The following NCOA1 variants were observed in gnomAD, a reference collection of about 807,000 sequenced individuals.
NCOA1 encodes Hin-2 protein.
NCOA1 carries 35 observed loss-of-function variants against 150.9 expected under a neutral mutation model. That is an observed-to-expected ratio of 0.23 (90% confidence interval 0.18 to 0.31). NCOA1 has a LOEUF of 0.31. NCOA1 is among the 10% of genes least tolerant of loss of function. NCOA1 has a pLI of 1.00. For synonymous variants in NCOA1, 590 were observed against 630.0 expected (o/e 0.94, Z 0.95); for missense variants, 1,491 against 1,749.3 (o/e 0.85, Z 2.63).
Position 24,770,133 on chromosome 2 carries a change from G to A in NCOA1, c.*1742G>A. ...CTATGAAACAGAAATAGGACACTCA[G>A]TTACAAACATTATCTCCTTTAGTTT... On this transcript the variant is annotated 3_prime_UTR_variant, in exon 23 of 23. Coordinates refer to ENST00000348332, the MANE Select transcript of NCOA1 (RefSeq NM_003743.5). 1 of 231,388 alleles carries A rather than the reference G, an allele frequency of 4.3e-6. No individual in the cohort carries two copies. The highest frequency in any genetic ancestry group is 8.6e-6 in the Non-Finnish European group (1 of 116,584). 14.3% of individuals were successfully genotyped at this position (231,388 alleles called of 1,614,324 possible).
chr2:24,567,021 C>G (rs948000879), intron 2 of NCOA1, among the ~76,000 whole-genome samples: 1 of 152,240 alleles, frequency 6.6e-6, no homozygotes, highest in Non-Finnish European at 1.5e-5. Context: ...CCTGCTGGCT[C>G]AGTGGAGCAC....
At chr2:24,699,450 G>A (rs1372155489) in intron 11 of NCOA1, among the ~76,000 whole-genome samples, 1 of 152,064 alleles carries the variant, frequency 6.6e-6, no homozygotes, top group Non-Finnish European at 1.5e-5. Context: ...TAACTAGTTT[G>A]TCATTAATAT....
chr2:24,736,635 C>T (rs1008176527), intron 17 of NCOA1, among the ~76,000 whole-genome samples: 4 of 152,104 alleles, frequency 2.6e-5, no homozygotes, highest in African/African-American at 9.7e-5. Context: ...TTAAAGAATA[C>T]TTTTGTCTTT....
intron 18 of NCOA1, 120 bp downstream of exon 18, chr2:24,739,653 G>T: frequency 1.6e-6 from 1 of 639,100 alleles, no homozygotes; most frequent in South Asian, 2.6e-5. Context: ...TGTTTGTAGT[G>T]TAGTTTTCTT....
chr2:24,563,990 CA>C (rs1666394865), intron 1 of NCOA1, among the ~76,000 whole-genome samples: 1 of 152,182 alleles, frequency 6.6e-6, no homozygotes. Context: ...GGGGTGACTT[CA>C]GCAACTCCCC....
Position 24,665,731 on chromosome 2 carries a change from A to G in NCOA1, c.90-18A>G, listed in dbSNP as rs1163831848. 1 of 1,486,512 alleles carries G rather than the reference A, an allele frequency of 6.7e-7. No individual in the cohort carries two copies. The highest frequency in any genetic ancestry group is 1.4e-5 in the African/African-American group (1 of 70,898). 92.1% of individuals were successfully genotyped at this position (1,486,512 alleles called of 1,614,324 possible). A position where few individuals can be genotyped will look rare whatever the true frequency, so the allele number is the denominator to read the frequency against. ...GGTGATACAAATGTACACTAACTGGATTTTCTTTGTGTAACAGCACGGAAA... is the reference window on the plus strand; with the variant it reads ...GGTGATACAAATGTACACTAACTGGGTTTTCTTTGTGTAACAGCACGGAAA... On this transcript the variant is annotated intron_variant, in intron 5 of 22. Coordinates refer to ENST00000348332, the MANE Select transcript of NCOA1 (RefSeq NM_003743.5).
chr2:24,611,271 GC>G (rs1174220202), intron 3 of NCOA1, among the ~76,000 whole-genome samples: 1 of 152,044 alleles, frequency 6.6e-6, no homozygotes, highest in East Asian at 1.9e-4. Context: ...GTCGCAAGTG[GC>G]ATGATTTTAT....
chr2:24,716,353 G>C (rs543579268), intron 14 of NCOA1, among the ~76,000 whole-genome samples: 1 of 151,720 alleles, frequency 6.6e-6, no homozygotes, highest in East Asian at 1.9e-4. Context: ...AATAAAAATA[G>C]ACATATAGAT....
intron 2 of NCOA1, among the ~76,000 whole-genome samples, chr2:24,568,823 T>G (rs1416620075): frequency 6.6e-6 from 1 of 152,240 alleles, no homozygotes; most frequent in East Asian, 1.9e-4. Flanking sequence ...ATGCCAGTAT[T>G]TTGTTTTTCA....
chr2:24,589,774 C>T (rs2148331203), intron 3 of NCOA1, among the ~76,000 whole-genome samples: 1 of 152,218 alleles, frequency 6.6e-6, no homozygotes, highest in South Asian at 2.1e-4. Context: ...TGTTCTAGCT[C>T]CCAGATTTCC....
intron 1 of NCOA1, among the ~76,000 whole-genome samples, chr2:24,555,771 G>A (rs183176482): frequency 1.3e-5 from 2 of 152,280 alleles, no homozygotes; most frequent in East Asian, 1.9e-4. Flanking sequence ...TATCAGTTCT[G>A]TCTTTCCTTT....
At chr2:24,519,898 A>G (rs189002077) in intron 1 of NCOA1, among the ~76,000 whole-genome samples, 11 of 152,352 alleles carry the variant, frequency 7.2e-5, no homozygotes, top group Non-Finnish European at 1.3e-4. Flanking sequence ...CAGAATATAT[A>G]GAGTTATCAA....
Position 24,739,572 on chromosome 2 carries a change from A to G in NCOA1, c.3303+39A>G, listed in dbSNP as rs1226736882. ...ACCAGACGTCATTAGTACTTCTTTA[A>G]CCCACATAGTGTTTCTTAAAGTGTT... is the stretch of plus-strand genomic sequence containing the variant. On this transcript the variant is annotated intron_variant, in intron 18 of 22. Coordinates refer to ENST00000348332, the MANE Select transcript of NCOA1 (RefSeq NM_003743.5). 4 of 1,447,498 alleles carry G rather than the reference A, an allele frequency of 2.8e-6. No individual in the cohort carries two copies. In the Admixed American group the frequency reaches 6.7e-5, roughly 24 times the overall value. The allele number at this position is 1,447,498 out of a possible 1,614,324, so 89.7% of individuals were successfully genotyped here.
rs1237655400 is a variant in NCOA1 at position 24,729,102 on chromosome 2, T to C, written c.2887-399T>C. On this transcript the variant is annotated intron_variant, in intron 16 of 22. Coordinates refer to ENST00000348332, the MANE Select transcript of NCOA1 (RefSeq NM_003743.5). The stretch of plus-strand genomic sequence containing the variant: ...TTTCTGTTACATGAGCTGTGGATTT[T>C]TTTTTCAAATAAAAGCATGAATTTT... Among the ~76,000 whole-genome samples, 9 of 152,352 alleles carry C rather than the reference T, an allele frequency of 5.9e-5. No individual in the cohort carries two copies. In the South Asian group the frequency reaches 1.7e-3, roughly 28 times the overall value.
chr2:24,755,662 T>C (rs1664461614), intron 20 of NCOA1, among the ~76,000 whole-genome samples: 1 of 152,244 alleles, frequency 6.6e-6, no homozygotes, highest in South Asian at 2.1e-4. Flanking sequence ...AGGACAGTGA[T>C]TGCAGCTGCA....
At chr2:24,751,947 T>G in intron 19 of NCOA1, 35 bp from the exon 20 acceptor site, 2 of 1,564,810 alleles carry the variant, frequency 1.3e-6, no homozygotes, top group Non-Finnish European at 1.7e-6. Flanking sequence ...AAATTTATAG[T>G]GTATCAACAT....
At chr2:24,668,114 G>A (rs1317057308) in intron 6 of NCOA1, among the ~76,000 whole-genome samples, 1 of 152,168 alleles carries the variant, frequency 6.6e-6, no homozygotes, top group Non-Finnish European at 1.5e-5. Flanking sequence ...ATGAAGGGAT[G>A]TGATTTGAAG....
rs1669619829 is a variant in NCOA1 at position 24,629,844 on chromosome 2, A to ATATG, written c.-174-14118_-174-14115dup. On this transcript the variant is annotated intron_variant, in intron 3 of 22. Transcript: ENST00000348332. ...TATATATATATATATATATATATAT[A>ATATG]TATGTATTTTTTTTTTTGAGATGGA... 2.9e-5 allele frequency among the ~76,000 whole-genome samples: 4 copies of ATATG among 136,064 alleles called. No homozygotes were observed. In the South Asian group the frequency reaches 8.8e-4, roughly 30 times the overall value. The allele number at this position is 136,064 out of a possible 152,430, so 89.3% of individuals were successfully genotyped here.
intron 11 of NCOA1, among the ~76,000 whole-genome samples, chr2:24,704,563 G>A (rs756222319): frequency 3.9e-5 from 6 of 152,018 alleles, no homozygotes; most frequent in Non-Finnish European, 8.8e-5. Context: ...GATCATTTGA[G>A]GTCAGGAGTT....
Sources: gnomAD v4.1 joint callset for allele counts (sites outside exome capture counted in the v4.1 genomes callset) on GRCh38, gnomAD v4.1.1 for gene constraint, MANE v1.5 for transcripts, NCBI Gene and HGNC (gene_info 2026-07-23, HGNC 2026-07-21) for gene names.